Variants in PSD3 observed in about 807,000 individuals in gnomAD.
PSD3 encodes the protein PH and SEC7 domain-containing protein 3.
In PSD3, 49 loss-of-function variants were observed where a neutral mutation model predicts 105.5. That is an observed-to-expected ratio of 0.46 (90% CI 0.37 to 0.59). The LOEUF is 0.59. Ranked by LOEUF, PSD3 falls within the 20% of genes least tolerant of loss-of-function variation. PSD3 has a pLI of 0.00. For missense variants in PSD3, 1,561 were observed against 1,263.8 expected (o/e 1.24, Z -3.57); for synonymous variants, 557 against 457.8 (o/e 1.22, Z -2.77).
chr8:18,750,017 C>T (rs566617877), intron 9 of PSD3, among the ~76,000 whole-genome samples: 5 of 152,148 alleles, frequency 3.3e-5, no homozygotes, highest in Non-Finnish European at 7.3e-5. Flanking sequence ...GCCAAGCAAA[C>T]CCAAACCTCT....
At chr8:18,650,239 TA>T (rs1361001102) in intron 10 of PSD3, among the ~76,000 whole-genome samples, 3 of 152,228 alleles carry the variant, frequency 2.0e-5, no homozygotes, top group Non-Finnish European at 4.4e-5. Flanking sequence ...AATTCCAACA[TA>T]AGATATAAAC....
At chr8:19,053,222 G>A (rs1392266281) in intron 1 of PSD3, among the ~76,000 whole-genome samples, 1 of 152,102 alleles carries the variant, frequency 6.6e-6, no homozygotes, top group Non-Finnish European at 1.5e-5. Context: ...GATGACTGGA[G>A]TAACGTCTTA....
chr8:18,842,551 G>A (rs1350597304), intron 4 of PSD3, among the ~76,000 whole-genome samples: 2 of 152,084 alleles, frequency 1.3e-5, no homozygotes, highest in Non-Finnish European at 2.9e-5. Context: ...GGCTAACACG[G>A]TGAAACCCCG....
At chr8:19,046,934 A>C (rs563967351) in intron 1 of PSD3, among the ~76,000 whole-genome samples, 1 of 152,226 alleles carries the variant, frequency 6.6e-6, no homozygotes, top group Non-Finnish European at 1.5e-5. Flanking sequence ...CTTGTCTCTC[A>C]TCAAGAGTGG....
intron 14 of PSD3, chr8:18,557,532 A>G (rs1439031099): frequency 6.5e-6 from 1 of 154,294 alleles, no homozygotes; most frequent in Non-Finnish European, 1.5e-5. Flanking sequence ...GTCAAAAACC[A>G]TCAAAACAGA....
intron 10 of PSD3, among the ~76,000 whole-genome samples, chr8:18,633,172 C>G (rs1006755601): frequency 6.6e-6 from 1 of 152,014 alleles, no homozygotes; most frequent in African/African-American, 2.4e-5. Context: ...TTCTTTCAAA[C>G]AAGTGGGAGT....
chr8:18,754,738 C>T (rs191139601), intron 9 of PSD3, among the ~76,000 whole-genome samples: 49 of 151,944 alleles, frequency 3.2e-4, no homozygotes, highest in Admixed American at 3.3e-4. Flanking sequence ...TATTTTTTTG[C>T]TTGTTTTCAC....
At chr8:18,599,039 GA>G (rs140033322) in intron 12 of PSD3, among the ~76,000 whole-genome samples, 11 of 150,268 alleles carry the variant, frequency 7.3e-5, no homozygotes, top group Non-Finnish European at 1.2e-4. Flanking sequence ...TACAGAAAAA[GA>G]AAAAAAAATT....
intron 11 of PSD3, among the ~76,000 whole-genome samples, chr8:18,601,053 C>T (rs1237591327): frequency 1.3e-5 from 2 of 152,162 alleles, no homozygotes; most frequent in African/African-American, 2.4e-5. Flanking sequence ...TATGACTTGA[C>T]AGGAGGTATC....
chr8:19,056,261 T>C (rs184474212), intron 1 of PSD3, among the ~76,000 whole-genome samples: 25 of 152,362 alleles, frequency 1.6e-4, no homozygotes, highest in Admixed American at 1.5e-3. Context: ...TCCAGGCAGT[T>C]AATGGTTGCA....
At chr8:19,058,580 T>C (rs945416912) in intron 1 of PSD3, among the ~76,000 whole-genome samples, 1 of 151,792 alleles carries the variant, frequency 6.6e-6, no homozygotes, top group African/African-American at 2.4e-5. Flanking sequence ...TTTTACTGTA[T>C]GATAATTTTT....
intron 1 of PSD3, among the ~76,000 whole-genome samples, chr8:18,956,746 C>T (rs768787591): frequency 2.0e-4 from 30 of 151,780 alleles, no homozygotes; most frequent in Non-Finnish European, 4.3e-4. Context: ...TACATATATC[C>T]CTCTCTAGCT....
At chr8:18,764,102 G>A (rs189471541) in intron 9 of PSD3, among the ~76,000 whole-genome samples, 30 of 152,178 alleles carry the variant, frequency 2.0e-4, no homozygotes, top group African/African-American at 3.1e-4. Context: ...TTTGCCAACC[G>A]TCATGCAGGT....
At chr8:19,001,000 G>A (rs1468124822) in intron 1 of PSD3, 1 of 151,852 alleles carries the variant, frequency 6.6e-6, no homozygotes, top group East Asian at 1.9e-4. Context: ...TATACAAAGT[G>A]ATGTAATGAG....
chr8:18,644,412 C>G (rs1215248838), intron 10 of PSD3, among the ~76,000 whole-genome samples: 1 of 152,184 alleles, frequency 6.6e-6, no homozygotes, highest in Non-Finnish European at 1.5e-5. Context: ...ATTCTGCCTT[C>G]CCTAAAGCCC....
intron 4 of PSD3, among the ~76,000 whole-genome samples, chr8:18,809,559 C>G (rs368240245): frequency 4.6e-5 from 7 of 152,218 alleles, no homozygotes; most frequent in Non-Finnish European, 7.3e-5. Context: ...GTCCCAAATA[C>G]TGCACAGGAC....
chr8:18,839,400 T>C (rs909394095), intron 4 of PSD3, among the ~76,000 whole-genome samples: 2 of 152,150 alleles, frequency 1.3e-5, no homozygotes, highest in African/African-American at 4.8e-5. Context: ...GTTTGCCTTG[T>C]AAAAGATCTA....
intron 12 of PSD3, among the ~76,000 whole-genome samples, chr8:18,599,455 C>T (rs186146236): frequency 1.1e-4 from 17 of 152,196 alleles, no homozygotes; most frequent in South Asian, 6.2e-4. Context: ...ATGTTCATTG[C>T]GGCATTACTC....
At chr8:18,770,729 G>C (rs1229958544) in intron 8 of PSD3, among the ~76,000 whole-genome samples, 1 of 152,240 alleles carries the variant, frequency 6.6e-6, no homozygotes, top group Non-Finnish European at 1.5e-5. Context: ...TAGCTTGGCT[G>C]TCTGCATATG....
Sources: gnomAD v4.1 joint callset for allele counts (sites outside exome capture counted in the v4.1 genomes callset) on GRCh38, gnomAD v4.1.1 for gene constraint, MANE v1.5 for transcripts, NCBI Gene and HGNC (gene_info 2026-07-23, HGNC 2026-07-21) for gene names.